The following TSPAN18 variants were observed in gnomAD, a reference collection of about 807,000 sequenced individuals.
TSPAN18 encodes tetraspanin 18.
TSPAN18 carries 14 observed loss-of-function variants against 27.3 expected under a neutral mutation model. The observed-to-expected ratio is 0.51, with a 90% CI of 0.34 to 0.80. TSPAN18 has a LOEUF of 0.80. TSPAN18 is among the 30% of genes least tolerant of loss of function. TSPAN18 has a pLI of 0.01. For missense variants in TSPAN18, 268 were observed against 323.9 expected, an observed-to-expected ratio of 0.83 and a Z score of 1.32; for synonymous variants, 143 against 136.5, an observed-to-expected ratio of 1.05 and a Z score of -0.33.
intron 2 of TSPAN18, among the ~76,000 whole-genome samples, chr11:44,786,623 CT>C (rs528871558): frequency 0.13 from 12,963 of 98,058 alleles, 1,435 homozygotes; most frequent in African/African-American, 0.32. Flanking sequence ...TATCCACTTA[CT>C]TTTTTTTTTT....
At chr11:44,912,710 A>G (rs904537895) in intron 5 of TSPAN18, among the ~76,000 whole-genome samples, 2 of 151,916 alleles carry the variant, frequency 1.3e-5, no homozygotes, top group Admixed American at 6.6e-5. Context: ...GTTGTGTTCT[A>G]TCGTGTGTGT....
Position 44,929,252 on chromosome 11 carries a change from C to A in TSPAN18, c.*74C>A. 1 of 1,587,410 alleles carries A rather than the reference C, an allele frequency of 6.3e-7. No individual in the cohort carries two copies. The highest frequency in any genetic ancestry group is 8.6e-7 in the Non-Finnish European group (1 of 1,159,732). On this transcript the variant is annotated 3_prime_UTR_variant, in exon 10 of 10. Transcript: ENST00000520358. ...CACCCAGTGTCCTCCCGTGCCCCTC[C>A]CCGCTGTCCTCTTGGCCCCAGGGGA...
intron 1 of TSPAN18, among the ~76,000 whole-genome samples, chr11:44,750,964 A>G (rs1018766359): frequency 6.6e-6 from 1 of 152,254 alleles, no homozygotes; most frequent in African/African-American, 2.4e-5. Context: ...TGCTGAAAGC[A>G]GGCTGCCCTT....
chr11:44,850,888 T>C (rs1189049840), intron 2 of TSPAN18, among the ~76,000 whole-genome samples: 3 of 152,102 alleles, frequency 2.0e-5, no homozygotes, highest in South Asian at 2.1e-4. Flanking sequence ...CCTTTACCCA[T>C]CTGTGGGCAC....
At chr11:44,787,347 CAG>C (rs1213734311) in intron 2 of TSPAN18, among the ~76,000 whole-genome samples, 2 of 152,214 alleles carry the variant, frequency 1.3e-5, no homozygotes, top group African/African-American at 2.4e-5. Context: ...AGTTGCAATT[CAG>C]AGTCACCTTA....
intron 2 of TSPAN18, among the ~76,000 whole-genome samples, chr11:44,854,006 T>C (rs1857667545): frequency 6.6e-6 from 1 of 152,164 alleles, no homozygotes; most frequent in African/African-American, 2.4e-5. Context: ...CAATAAAATA[T>C]TTCGTTTTGG....
intron 2 of TSPAN18, among the ~76,000 whole-genome samples, chr11:44,827,253 C>G (rs763643431): frequency 6.6e-6 from 1 of 152,226 alleles, no homozygotes; most frequent in Non-Finnish European, 1.5e-5. Context: ...TTTCCAGGTC[C>G]CTGATGTTAC....
At chr11:44,750,778 C>T (rs906696417) in intron 1 of TSPAN18, among the ~76,000 whole-genome samples, 16 of 152,144 alleles carry the variant, frequency 1.1e-4, no homozygotes, top group African/African-American at 2.2e-4. Context: ...TGAGGAGCAG[C>T]GAAAGAAAGA....
chr11:44,790,612 G>T (rs1047114561), intron 2 of TSPAN18, among the ~76,000 whole-genome samples: 1 of 114,164 alleles, frequency 8.8e-6, no homozygotes, highest in Admixed American at 9.6e-5. Context: ...GCATGTGTTC[G>T]TGTGTGTGTG....
chr11:44,887,752 CTCCCTGCACCCT>C (rs1160498348), intron 3 of TSPAN18, among the ~76,000 whole-genome samples: 2 of 152,118 alleles, frequency 1.3e-5, no homozygotes, highest in Non-Finnish European at 2.9e-5. Flanking sequence ...AAGCCGGAAG[CTCCCTGCACCCT>C]TTTCTGCTGG....
intron 1 of TSPAN18, among the ~76,000 whole-genome samples, chr11:44,748,329 C>T (rs7124352): frequency 0.063 from 9,535 of 151,478 alleles, 754 homozygotes; most frequent in African/African-American, 0.19. Context: ...ACCCCAGAGG[C>T]GGCGGTTGCA....
chr11:44,827,365 G>A (rs914961714), intron 2 of TSPAN18, among the ~76,000 whole-genome samples: 2 of 152,354 alleles, frequency 1.3e-5, no homozygotes, highest in East Asian at 1.9e-4. Context: ...TTCTCCCTCA[G>A]CCCCTGCTGA....
intron 1 of TSPAN18, among the ~76,000 whole-genome samples, chr11:44,751,737 G>A (rs1855214539): frequency 1.3e-5 from 2 of 152,058 alleles, no homozygotes; most frequent in South Asian, 4.1e-4. Context: ...GACCAGCCTG[G>A]CCAACGTGGT....
intron 3 of TSPAN18, among the ~76,000 whole-genome samples, chr11:44,904,370 G>C (rs990226155): frequency 1.3e-5 from 2 of 152,228 alleles, no homozygotes; most frequent in Non-Finnish European, 2.9e-5. Flanking sequence ...AAAGCCCTCC[G>C]GCCCCAGGGC....
chr11:44,820,257 G>C (rs2135119463), intron 2 of TSPAN18, among the ~76,000 whole-genome samples: 1 of 152,336 alleles, frequency 6.6e-6, no homozygotes, highest in Middle Eastern at 3.4e-3. Context: ...CAACTGGCCA[G>C]AGCCCTAGGA....
At chr11:44,858,408 C>T (rs1857792422) in intron 2 of TSPAN18, among the ~76,000 whole-genome samples, 1 of 152,232 alleles carries the variant, frequency 6.6e-6, no homozygotes, top group Non-Finnish European at 1.5e-5. Flanking sequence ...CAAGCACAGG[C>T]TTCAAAGCTG....
At chr11:44,856,098 TG>T (rs1217488275) in intron 2 of TSPAN18, among the ~76,000 whole-genome samples, 1 of 152,038 alleles carries the variant, frequency 6.6e-6, no homozygotes, top group African/African-American at 2.4e-5. Context: ...TTAGCCAGGA[TG>T]GTCTTGATCT....
intron 2 of TSPAN18, among the ~76,000 whole-genome samples, chr11:44,777,193 C>T (rs1005687038): frequency 2.6e-5 from 4 of 152,204 alleles, no homozygotes; most frequent in Non-Finnish European, 5.9e-5. Flanking sequence ...TTTTGTGCTC[C>T]CCCATATGTC....
rs143575325 is a variant in TSPAN18, at chr11:44,906,426, G to A, written c.10G>A (p.Asp4Asn). 6.2e-7 allele frequency: 1 copy of A among 1,614,184 alleles called. No individual in the cohort carries two copies. The highest frequency in any genetic ancestry group is 1.1e-5 in the South Asian group (1 of 91,082). The change falls in exon 4 of 10, where the codon GAC becomes AAC. Residue 4 changes from aspartate to asparagine, a missense_variant. By Grantham distance (23) the Asp-to-Asn change is conservative. Transcript: ENST00000520358. MEG[D>N]CLSCMKYLMF... ...TTCTAGGTGGAGCACCATGGAAGGC[G>A]ACTGTCTGAGCTGCATGAAGTATCT...
Sources: allele counts gnomAD v4.1 joint callset (sites outside exome capture counted in the v4.1 genomes callset), GRCh38; gene constraint gnomAD v4.1.1; transcripts MANE v1.5; gene names NCBI Gene and HGNC (gene_info 2026-07-23, HGNC 2026-07-21).